CNTN3: variants seen among roughly 807,000 people sequenced by gnomAD.
CNTN3 encodes contactin 3, also known as contactin-3.
CNTN3 carries 60 observed loss-of-function variants against 119.1 expected under a neutral mutation model. That is an observed-to-expected ratio of 0.50 (90% CI 0.41 to 0.62). The LOEUF (loss-of-function observed/expected upper bound fraction) is 0.62, where lower values mean the gene tolerates loss of function less well. Among genes scored for constraint, CNTN3 ranks in the 20% least tolerant of loss-of-function variants. CNTN3 has a pLI of 0.00. For synonymous variants in CNTN3, 450 were observed against 438.7 expected, an observed-to-expected ratio of 1.03 and a Z score of -0.32; for missense variants, 1,101 against 1,242.4, an observed-to-expected ratio of 0.89 and a Z score of 1.71.
chr3:74,307,697 T>C lies in CNTN3; in HGVS notation c.1669-4890A>G, dbSNP rs577071339. 9.9e-5 allele frequency among the ~76,000 whole-genome samples: 15 copies of C among 152,276 alleles called. No homozygotes were observed. In the South Asian group the frequency reaches 2.5e-3, roughly 25 times the overall value. On this transcript the variant is annotated intron_variant, in intron 13 of 22. Coordinates refer to ENST00000263665, the MANE Select transcript of CNTN3 (RefSeq NM_020872.3). ...TAATTACAGGTAGGCTGAAAATACA[T>C]TGTGATATCTACCACATGCTAAAAT...
intron 10 of CNTN3, among the ~76,000 whole-genome samples, chr3:74,363,124 T>C (rs1288367636): frequency 6.6e-6 from 1 of 152,184 alleles, no homozygotes; most frequent in African/African-American, 2.4e-5. Flanking sequence ...ATTACAGTCT[T>C]TCAAGTTAAG....
chr3:74,360,031 T>G (rs1704043390), intron 11 of CNTN3, among the ~76,000 whole-genome samples: 1 of 152,202 alleles, frequency 6.6e-6, no homozygotes, highest in African/African-American at 2.4e-5. Context: ...TGGATTATGG[T>G]GAACCACTCA....
At chr3:74,270,845 C>T (rs573310115) in intron 20 of CNTN3, among the ~76,000 whole-genome samples, 1 of 152,172 alleles carries the variant, frequency 6.6e-6, no homozygotes, top group South Asian at 2.1e-4. Context: ...TCCTGTCAAC[C>T]TCTACTGTTG....
At chr3:74,476,181 C>T (rs1446729547) in intron 4 of CNTN3, among the ~76,000 whole-genome samples, 1 of 152,090 alleles carries the variant, frequency 6.6e-6, no homozygotes, top group Non-Finnish European at 1.5e-5. Context: ...GAGAAACACA[C>T]ACAAAACAAG....
At chr3:74,496,667 A>C (rs6549605) in intron 3 of CNTN3, among the ~76,000 whole-genome samples, 140,417 of 152,084 alleles carry the variant, frequency 0.92, 65,431 homozygotes, top group East Asian at 1. Flanking sequence ...GGAAGAAAAT[A>C]TTTCCCATTT....
At chr3:74,470,316 A>G (rs926750488) in intron 4 of CNTN3, among the ~76,000 whole-genome samples, 1 of 152,182 alleles carries the variant, frequency 6.6e-6, no homozygotes, top group Non-Finnish European at 1.5e-5. Context: ...TATACTCTAA[A>G]CAGGGAATTA....
At chr3:74,344,937 C>G (rs2106734374) in intron 11 of CNTN3, among the ~76,000 whole-genome samples, 1 of 152,124 alleles carries the variant, frequency 6.6e-6, no homozygotes. Flanking sequence ...ATCAGATCAT[C>G]TAAGATATAT....
chr3:74,489,191 G>A (rs1702916021), intron 3 of CNTN3, among the ~76,000 whole-genome samples: 1 of 152,040 alleles, frequency 6.6e-6, no homozygotes, highest in South Asian at 2.1e-4. Flanking sequence ...AGAATCTATG[G>A]CCCTAAACCA....
chr3:74,465,613 T>G (rs1462526403), intron 4 of CNTN3, among the ~76,000 whole-genome samples: 11 of 152,160 alleles, frequency 7.2e-5, no homozygotes, highest in Admixed American at 7.2e-4. Context: ...CACAAAAAAA[T>G]GCATTTCTCC....
chr3:74,413,147 A>T (rs1701465544), intron 5 of CNTN3, among the ~76,000 whole-genome samples: 1 of 152,152 alleles, frequency 6.6e-6, no homozygotes, highest in Non-Finnish European at 1.5e-5. Context: ...CATAGTTCAG[A>T]CAGTTTTATT....
At chr3:74,356,714 T>C (rs1703942756) in intron 11 of CNTN3, among the ~76,000 whole-genome samples, 2 of 152,108 alleles carry the variant, frequency 1.3e-5, no homozygotes, top group African/African-American at 4.8e-5. Context: ...ATAGCAGCTT[T>C]TTGAAGACCT....
chr3:74,480,294 T>A (rs1353884343), intron 4 of CNTN3, among the ~76,000 whole-genome samples: 1 of 152,136 alleles, frequency 6.6e-6, no homozygotes, highest in Non-Finnish European at 1.5e-5. Context: ...GGGGACTCTA[T>A]CCAGTTGTGG....
At chr3:74,529,465 C>T (rs551218714) in intron 1 of CNTN3, among the ~76,000 whole-genome samples, 1 of 149,832 alleles carries the variant, frequency 6.7e-6, no homozygotes, top group South Asian at 2.1e-4. Context: ...CATAAATTCA[C>T]TTTTAGAATT....
At chr3:74,524,666 C>A (rs1417804327) in intron 1 of CNTN3, among the ~76,000 whole-genome samples, 4 of 151,758 alleles carry the variant, frequency 2.6e-5, no homozygotes, top group Non-Finnish European at 5.9e-5. Flanking sequence ...ACACCACTCC[C>A]CCATCAACTA....
chr3:74,366,329 C>A (rs1704184261), intron 8 of CNTN3, among the ~76,000 whole-genome samples: 1 of 152,066 alleles, frequency 6.6e-6, no homozygotes, highest in South Asian at 2.1e-4. Flanking sequence ...ACTGATGCAA[C>A]TTTAAATTAT....
intron 3 of CNTN3, among the ~76,000 whole-genome samples, chr3:74,496,435 T>C: frequency 6.6e-6 from 1 of 152,058 alleles, no homozygotes; most frequent in Admixed American, 6.6e-5. Context: ...GATAGACAGT[T>C]TCCAGTCATT....
At chr3:74,368,516 C>G (rs962956795) in intron 8 of CNTN3, among the ~76,000 whole-genome samples, 4 of 151,840 alleles carry the variant, frequency 2.6e-5, no homozygotes, top group Non-Finnish European at 5.9e-5. Flanking sequence ...TATTCTAAGT[C>G]ATGTTTTCAT....
chr3:74,363,039 C>G (rs1704111510), intron 10 of CNTN3, among the ~76,000 whole-genome samples: 1 of 152,148 alleles, frequency 6.6e-6, no homozygotes, highest in African/African-American at 2.4e-5. Flanking sequence ...AATCCCACAC[C>G]ATACATTGAG....
At chr3:74,474,615 T>A (rs1001430930) in intron 4 of CNTN3, among the ~76,000 whole-genome samples, 9 of 152,020 alleles carry the variant, frequency 5.9e-5, no homozygotes, top group African/African-American at 2.2e-4. Flanking sequence ...TCCCTCAGCC[T>A]CCCAAGTAGC....
Sources: gnomAD v4.1 joint callset for allele counts (sites outside exome capture counted in the v4.1 genomes callset) on GRCh38, gnomAD v4.1.1 for gene constraint, MANE v1.5 for transcripts, NCBI Gene and HGNC (gene_info 2026-07-23, HGNC 2026-07-21) for gene names.